NBEA: variants seen among roughly 807,000 people sequenced by gnomAD.
NBEA encodes the protein lysosomal-trafficking regulator 2.
NBEA carries 44 observed loss-of-function variants against 343.4 expected under a neutral mutation model. The ratio of observed to expected loss-of-function variants is 0.13; its 90% CI spans 0.10 to 0.16. The LOEUF (loss-of-function observed/expected upper bound fraction) is 0.16. Ranked by LOEUF, NBEA falls within the 10% of genes least tolerant of loss-of-function variation. The probability of loss-of-function intolerance (pLI) is 1.00; values close to 1 mark genes in which losing one functional copy is unlikely to be tolerated. For missense variants in NBEA, 2,555 were observed against 3,631.3 expected, an observed-to-expected ratio of 0.70 and a Z score of 7.62; for synonymous variants, 1,175 against 1,238.7, an observed-to-expected ratio of 0.95 and a Z score of 1.08.
At chr13:35,178,774 A>G (rs1204472039) in intron 28 of NBEA, among the ~76,000 whole-genome samples, 2 of 151,566 alleles carry the variant, frequency 1.3e-5, no homozygotes, top group Non-Finnish European at 3.0e-5. Context: ...AAAAACCACA[A>G]TGTAAGAACT....
intron 13 of NBEA, among the ~76,000 whole-genome samples, chr13:35,113,086 G>T (rs2066298341): frequency 6.6e-6 from 1 of 152,120 alleles, no homozygotes; most frequent in African/African-American, 2.4e-5. Flanking sequence ...GTTCTTCAAT[G>T]TAGGATAGTT....
intron 38 of NBEA, among the ~76,000 whole-genome samples, chr13:35,423,335 A>G (rs1451492557): frequency 2.6e-5 from 4 of 152,192 alleles, no homozygotes; most frequent in African/African-American, 7.2e-5. Flanking sequence ...TATAAGGTGT[A>G]AGGAAGGGAT....
intron 38 of NBEA, among the ~76,000 whole-genome samples, chr13:35,381,975 A>G (rs575697212): frequency 1.3e-5 from 2 of 152,282 alleles, no homozygotes; most frequent in African/African-American, 4.8e-5. Context: ...TTGATGAAGA[A>G]TGGAAAACAA....
At chr13:35,511,291 A>G (rs1411342439) in intron 41 of NBEA, among the ~76,000 whole-genome samples, 2 of 152,198 alleles carry the variant, frequency 1.3e-5, no homozygotes, top group Non-Finnish European at 2.9e-5. Flanking sequence ...CTCTGCTTAC[A>G]ATGACTGGAC....
At chr13:35,507,882 G>A (rs576394640) in intron 41 of NBEA, among the ~76,000 whole-genome samples, 7 of 152,042 alleles carry the variant, frequency 4.6e-5, no homozygotes, top group Non-Finnish European at 4.4e-5. Flanking sequence ...AGGATTGTAA[G>A]GATCATTTTA....
At chr13:35,228,352 CT>C (rs2074777245) in intron 33 of NBEA, among the ~76,000 whole-genome samples, 1 of 147,568 alleles carries the variant, frequency 6.8e-6, no homozygotes. Context: ...CAAGAATTTT[CT>C]TCATGGAAAT....
intron 41 of NBEA, among the ~76,000 whole-genome samples, chr13:35,527,763 A>G (rs2078052233): frequency 6.6e-6 from 1 of 152,186 alleles, no homozygotes; most frequent in African/African-American, 2.4e-5. Flanking sequence ...GCCCAGGTCC[A>G]GAGCCACAGC....
chr13:35,349,247 C>A, intron 37 of NBEA, 31 bp downstream of exon 37: 5 of 1,370,960 alleles, frequency 3.6e-6, no homozygotes, highest in Middle Eastern at 1.8e-4. Flanking sequence ...TAAATTCTGC[C>A]TTTCTATTAT....
In NBEA at chr13:35,159,441, G is replaced by A; in HGVS notation, c.3270G>A (p.Val1090=). 6.2e-7 allele frequency: 1 copy of A among 1,613,362 alleles called. No individual in the cohort carries two copies. Among genetic ancestry groups the A allele is most frequent in the Non-Finnish European group, 8.5e-7 (1 of 1,179,634 alleles). The change falls in exon 22 of 59, where the codon GTG becomes GTA. Residue 1090 remains valine (V), a synonymous_variant. Coordinates refer to ENST00000379939, the MANE Select transcript of NBEA (RefSeq NM_001385012.1). ...TLVGGENGAL[V]EVESLLDNVY... ...TAGGTGGAGAGAATGGTGCCCTTGT[G>A]GAGGTTGAATCTCTGTTGGATAATG... is the stretch of plus-strand genomic sequence containing the variant.
At chr13:35,622,879 T>G (rs1593393858) in intron 48 of NBEA, among the ~76,000 whole-genome samples, 1 of 152,290 alleles carries the variant, frequency 6.6e-6, no homozygotes, top group East Asian at 1.9e-4. Flanking sequence ...TTTCTTTTTT[T>G]TCATAAATTT....
intron 33 of NBEA, among the ~76,000 whole-genome samples, chr13:35,228,239 A>G (rs1346904257): frequency 1.3e-5 from 2 of 152,122 alleles, no homozygotes; most frequent in African/African-American, 2.4e-5. Context: ...TAATCCAATC[A>G]TTGGAGCTAT....
In NBEA at chr13:35,160,026, G is replaced by A. The variant is rs757610729; in HGVS notation, c.3855G>A (p.Thr1285=). 4.1e-5 allele frequency: 65 copies of A among 1,570,460 alleles called. No homozygotes were observed. Among genetic ancestry groups the A allele is most frequent in the Non-Finnish European group, 5.3e-5 (61 of 1,161,510 alleles). Residue 1285 remains threonine, a synonymous_variant, in exon 22 of 59, where the codon ACG becomes ACA. Coordinates refer to ENST00000379939, the MANE Select transcript of NBEA (RefSeq NM_001385012.1). ...KEIRKIQTTT[T]TQAVQGRSIT... ...TCCGAAAAATCCAAACAACTACTACGACACAAGTAAGCTACCTTATATGAG... is the reference window on the plus strand; with the variant it reads ...TCCGAAAAATCCAAACAACTACTACAACACAAGTAAGCTACCTTATATGAG...
chr13:35,291,091 G>A (rs1332629816), intron 35 of NBEA, among the ~76,000 whole-genome samples: 1 of 151,634 alleles, frequency 6.6e-6, no homozygotes, highest in East Asian at 1.9e-4. Flanking sequence ...GGAACCTATT[G>A]GTTTTTCTTC....
chr13:35,115,153 A>G (rs1472749079), intron 13 of NBEA, among the ~76,000 whole-genome samples: 1 of 152,108 alleles, frequency 6.6e-6, no homozygotes, highest in Non-Finnish European at 1.5e-5. Context: ...ATAAAATGTT[A>G]CTACTCTCCC....
intron 1 of NBEA, among the ~76,000 whole-genome samples, chr13:35,034,874 A>G (rs1260638109): frequency 4.0e-5 from 6 of 151,826 alleles, no homozygotes; most frequent in Non-Finnish European, 8.8e-5. Context: ...ATCAGTTGTA[A>G]TGTCTCCTTT....
intron 38 of NBEA, among the ~76,000 whole-genome samples, chr13:35,405,706 T>C (rs1392920991): frequency 6.6e-6 from 1 of 152,192 alleles, no homozygotes; most frequent in Non-Finnish European, 1.5e-5. Flanking sequence ...AGTCCTTTTC[T>C]GTGGGATTTC....
At chr13:35,444,952 C>G (rs1400469266) in intron 39 of NBEA, among the ~76,000 whole-genome samples, 1 of 152,084 alleles carries the variant, frequency 6.6e-6, no homozygotes, top group African/African-American at 2.4e-5. Flanking sequence ...TTCCTAACAC[C>G]TGTACTTCAT....
At chr13:35,356,693 T>C (rs1163082083) in intron 38 of NBEA, among the ~76,000 whole-genome samples, 1 of 152,136 alleles carries the variant, frequency 6.6e-6, no homozygotes, top group East Asian at 1.9e-4. Flanking sequence ...CTCTATTCTT[T>C]TGATCTCTTG....
At chr13:35,084,028 G>C (rs1044894438) in intron 10 of NBEA, among the ~76,000 whole-genome samples, 1 of 151,978 alleles carries the variant, frequency 6.6e-6, no homozygotes, top group African/African-American at 2.4e-5. Context: ...AGAGCTAACT[G>C]TCCTAAATAT....
Sources: allele counts gnomAD v4.1 joint callset (sites outside exome capture counted in the v4.1 genomes callset), GRCh38; gene constraint gnomAD v4.1.1; transcripts MANE v1.5; gene names NCBI Gene and HGNC (gene_info 2026-07-23, HGNC 2026-07-21).